The following CACNA1C variants were observed in gnomAD, a reference collection of about 807,000 sequenced individuals.
CACNA1C encodes the protein voltage-dependent L-type calcium channel subunit alpha-1C.
In CACNA1C, 30 loss-of-function variants were observed where a neutral mutation model predicts 229.0. That is an observed-to-expected ratio of 0.13 (90% CI 0.10 to 0.18). The LOEUF (loss-of-function observed/expected upper bound fraction) is 0.18, where lower values mean the gene tolerates loss of function less well. Ranked by LOEUF, CACNA1C falls within the 10% of genes least tolerant of loss-of-function variation. CACNA1C has a pLI of 1.00. For synonymous variants in CACNA1C, 1,114 were observed against 1,132.5 expected, an observed-to-expected ratio of 0.98 and a Z score of 0.33; for missense variants, 1,658 against 2,845.0, an observed-to-expected ratio of 0.58 and a Z score of 9.49.
chr12:2,235,726 G>C (rs139561114), intron 3 of CACNA1C, among the ~76,000 whole-genome samples: 3 of 152,298 alleles, frequency 2.0e-5, no homozygotes, highest in African/African-American at 7.2e-5. Flanking sequence ...GTGATGGCCA[G>C]GACAAAGGTC....
intron 3 of CACNA1C, among the ~76,000 whole-genome samples, chr12:2,315,966 A>G (rs936182004): frequency 5.3e-5 from 8 of 152,244 alleles, no homozygotes; most frequent in Admixed American, 1.3e-4. Flanking sequence ...AAGGAACTGC[A>G]TTCCAGTTCC....
intron 1 of CACNA1C, among the ~76,000 whole-genome samples, chr12:2,104,901 G>C (rs185946986): frequency 4.6e-5 from 7 of 152,278 alleles, no homozygotes; most frequent in Admixed American, 3.9e-4. Context: ...ATGGCAATTT[G>C]TCATCTTCAG....
intron 38 of CACNA1C, among the ~76,000 whole-genome samples, chr12:2,673,479 A>T (rs2096651328): frequency 6.6e-6 from 1 of 151,168 alleles, no homozygotes; most frequent in African/African-American, 2.4e-5. Flanking sequence ...AAAAAAAAAA[A>T]AAAAAGACAC....
At chr12:2,543,284 G>C (rs117846661) in intron 9 of CACNA1C, among the ~76,000 whole-genome samples, 1 of 152,200 alleles carries the variant, frequency 6.6e-6, no homozygotes, top group Non-Finnish European at 1.5e-5. Context: ...CAGATGAGCA[G>C]ACAATCAAAC....
chr12:2,185,186 C>T (rs1340495318), intron 3 of CACNA1C, among the ~76,000 whole-genome samples: 1 of 152,184 alleles, frequency 6.6e-6, no homozygotes, highest in African/African-American at 2.4e-5. Context: ...TCACCTGTGG[C>T]CCACATTCTT....
intron 1 of CACNA1C, chr12:1,993,167 G>A (rs1261468452): frequency 2.6e-6 from 4 of 1,546,790 alleles, no homozygotes; most frequent in Non-Finnish European, 3.6e-6. Context: ...CATAGCCACT[G>A]ATACCAAATG....
chr12:2,193,830 C>T (rs896206295), intron 3 of CACNA1C, among the ~76,000 whole-genome samples: 2 of 152,202 alleles, frequency 1.3e-5, no homozygotes, highest in African/African-American at 2.4e-5. Flanking sequence ...ACCTGCTGCT[C>T]TTCATTTTGT....
chr12:2,621,520 A>T (rs1338333669), intron 29 of CACNA1C, among the ~76,000 whole-genome samples: 1 of 152,174 alleles, frequency 6.6e-6, no homozygotes, highest in Non-Finnish European at 1.5e-5. Flanking sequence ...AACCGCAGGG[A>T]TGGGCCATTC....
At chr12:2,156,467 C>A (rs568708689) in intron 3 of CACNA1C, among the ~76,000 whole-genome samples, 1 of 152,174 alleles carries the variant, frequency 6.6e-6, no homozygotes, top group Non-Finnish European at 1.5e-5. Flanking sequence ...GAAGACATCA[C>A]CCACCGGTGT....
chr12:2,100,774 C>T (rs1256155112), intron 1 of CACNA1C, among the ~76,000 whole-genome samples: 7 of 150,294 alleles, frequency 4.7e-5, no homozygotes, highest in African/African-American at 9.8e-5. Flanking sequence ...AAAAAAAGGT[C>T]GGGGGCAGTG....
chr12:2,492,615 G>T (rs948754237), intron 6 of CACNA1C, among the ~76,000 whole-genome samples: 1 of 152,168 alleles, frequency 6.6e-6, no homozygotes, highest in Non-Finnish European at 1.5e-5. Flanking sequence ...TCACTGTAAA[G>T]TGACTTGCGT....
At chr12:2,375,195 G>A (rs991696258) in intron 3 of CACNA1C, among the ~76,000 whole-genome samples, 2 of 152,208 alleles carry the variant, frequency 1.3e-5, no homozygotes, top group Non-Finnish European at 2.9e-5. Context: ...ATGTGCATGT[G>A]CTGAGCGGCT....
At chr12:2,481,538 A>G (rs4765946) in intron 5 of CACNA1C, among the ~76,000 whole-genome samples, 97,130 of 152,132 alleles carry the variant, frequency 0.64, 31,857 homozygotes, top group East Asian at 0.88. Context: ...CCAGCACTGA[A>G]TGATGCCACT....
intron 1 of CACNA1C, among the ~76,000 whole-genome samples, chr12:2,068,854 A>G (rs1028781139): frequency 3.3e-5 from 5 of 152,206 alleles, no homozygotes; most frequent in Admixed American, 3.3e-4. Flanking sequence ...CTGGGCAACA[A>G]AAGGCTTTGG....
intron 1 of CACNA1C, among the ~76,000 whole-genome samples, chr12:1,998,177 CTTTCT>C (rs1433800857): frequency 2.0e-5 from 3 of 152,208 alleles, no homozygotes; most frequent in African/African-American, 7.2e-5. Context: ...AGGAAGCAGT[CTTTCT>C]TTTGTCATTT....
intron 1 of CACNA1C, among the ~76,000 whole-genome samples, chr12:2,002,468 A>G (rs561528427): frequency 2.0e-5 from 3 of 152,376 alleles, no homozygotes; most frequent in Admixed American, 2.0e-4. Context: ...CATATCCAGC[A>G]AGCAGGAAAA....
intron 3 of CACNA1C, among the ~76,000 whole-genome samples, chr12:2,303,132 G>A (rs1252059173): frequency 1.3e-5 from 2 of 152,240 alleles, no homozygotes; most frequent in South Asian, 2.1e-4. Context: ...TGCTGGAGCC[G>A]CTAGTATGGA....
intron 1 of CACNA1C, among the ~76,000 whole-genome samples, chr12:1,978,368 TAA>T: frequency 6.6e-6 from 1 of 152,272 alleles, no homozygotes; most frequent in Admixed American, 6.5e-5. Context: ...CGCAAAGTAA[TAA>T]AGAGTTAGTG....
rs1429541061 is a variant in CACNA1C at position 2,581,739 on chromosome 12, T to C, written c.2045T>C (p.Met682Thr). Reference sequence around the variant, plus strand: ...GGAGGAAAGTTCAACTTTGATGAGATGCAGACCCGGAGGAGCACATTCGAT... The same window carrying C: ...GGAGGAAAGTTCAACTTTGATGAGACGCAGACCCGGAGGAGCACATTCGAT... ...LFGGKFNFDE[M>T]QTRRSTFDNF... is the part of the protein sequence containing the mutation. The change falls in exon 14 of 47, where the codon ATG becomes ACG. Residue 682 changes from methionine (M) to threonine (T), a missense_variant. By Grantham distance (81) the Met-to-Thr change is moderately conservative. Around this residue, in one of 20 missense-constraint regions of CACNA1C, gnomAD observed 30 missense variants for 73.2 expected, o/e 0.41. Transcript: ENST00000399655. 3 of 1,613,550 alleles carry C rather than the reference T, an allele frequency of 1.9e-6. No individual in the cohort carries two copies. Among genetic ancestry groups the C allele is most frequent in the African/African-American group, 2.7e-5 (2 of 74,850 alleles).
Sources: gnomAD v4.1 joint callset for allele counts (sites outside exome capture counted in the v4.1 genomes callset) on GRCh38, gnomAD v4.1.1 for gene constraint, gnomAD v4.1.1 regional missense constraint, MANE v1.5 for transcripts, NCBI Gene and HGNC (gene_info 2026-07-23, HGNC 2026-07-21) for gene names.